ZHX3: variants seen among roughly 807,000 people sequenced by gnomAD.
ZHX3 encodes the protein zinc fingers and homeoboxes 3.
Under a neutral mutation model 64.5 loss-of-function variants are expected in ZHX3, and 20 were observed. The ratio of observed to expected loss-of-function variants is 0.31; its 90% CI spans 0.22 to 0.45. The LOEUF (loss-of-function observed/expected upper bound fraction) is 0.45. Ranked by LOEUF, ZHX3 falls within the 20% of genes least tolerant of loss-of-function variation. The probability of loss-of-function intolerance (pLI) is 1.00; values close to 1 mark genes in which losing one functional copy is unlikely to be tolerated. For synonymous variants in ZHX3, 423 were observed against 461.6 expected, an observed-to-expected ratio of 0.92 and a Z score of 1.07; for missense variants, 1,041 against 1,195.8, an observed-to-expected ratio of 0.87 and a Z score of 1.91.
At chr20:41,205,125 G>T in intron 2 of ZHX3, 59 bp from the exon 3 acceptor site, 2 of 805,690 alleles carry the variant, frequency 2.5e-6, no homozygotes, top group Non-Finnish European at 3.4e-6. Flanking sequence ...TATATTTCTC[G>T]GATACCCAGA....
chr20:41,274,989 T>A (rs1325504439), intron 1 of ZHX3, among the ~76,000 whole-genome samples: 3 of 152,090 alleles, frequency 2.0e-5, no homozygotes, highest in Admixed American at 2.0e-4. Context: ...AAACCCTGTC[T>A]CTACTAAAAA....
chr20:41,240,183 G>A (rs1050470830), intron 2 of ZHX3, among the ~76,000 whole-genome samples: 1 of 152,108 alleles, frequency 6.6e-6, no homozygotes, highest in Admixed American at 6.6e-5. Context: ...TTTTTTAGTA[G>A]AGATGGGGGG....
chr20:41,254,712 A>G (rs2042148975), intron 2 of ZHX3: 1 of 152,210 alleles, frequency 6.6e-6, no homozygotes, highest in Non-Finnish European at 1.5e-5. Flanking sequence ...TTATTTTGCT[A>G]TATATGCATA....
At chr20:41,311,023 T>C (rs147860750) in intron 1 of ZHX3, among the ~76,000 whole-genome samples, 2,837 of 152,214 alleles carry the variant, frequency 0.019, 28 homozygotes, top group Middle Eastern at 0.031. Flanking sequence ...TTGGCCAGGA[T>C]GGTCTTTATT....
Position 41,260,180 on chromosome 20 carries a change from G to GAA in ZHX3, c.-151+8808_-151+8809dup, listed in dbSNP as rs1555853862. 5.2e-3 allele frequency among the ~76,000 whole-genome samples: 534 copies of GAA among 103,370 alleles called. 6 individuals are homozygous for GAA. The highest frequency in any genetic ancestry group is 0.016 in the African/African-American group (494 of 31,668). The allele number at this position is 103,370 out of a possible 152,430, so 67.8% of individuals were successfully genotyped here. A position where few individuals can be genotyped will look rare whatever the true frequency, so the allele number is the denominator to read the frequency against. On this transcript the variant is annotated intron_variant, in intron 2 of 3. Coordinates refer to ENST00000683867, the MANE Select transcript of ZHX3 (RefSeq NM_001384317.1). Reference sequence around the variant, plus strand: ...TAAAACATCTCTCTAAGCCAAATGTGAAAAAAAAAAAAGGCAATAAAAGAC... The same window carrying GAA: ...TAAAACATCTCTCTAAGCCAAATGTGAAAAAAAAAAAAAAGGCAATAAAAGAC...
At chr20:41,234,948 A>G (rs1402444175) in intron 2 of ZHX3, among the ~76,000 whole-genome samples, 3 of 152,250 alleles carry the variant, frequency 2.0e-5, no homozygotes, top group African/African-American at 7.2e-5. Context: ...AGATAGTTCA[A>G]GGTTGTCCTT....
Position 41,212,370 on chromosome 20 carries a change from C to T in ZHX3, c.-150-7304G>A, listed in dbSNP as rs991973634. Among the ~76,000 whole-genome samples the T allele has an allele frequency of 2.6e-5, 4 of 152,112 alleles. No individual in the cohort carries two copies. In the East Asian group the frequency reaches 7.7e-4, roughly 29 times the overall value. ...CCCACCAAGATGGCTGTAATTACAG[C>T]GACAGATAACAAGTATAGATGAGGA... On this transcript the variant is annotated intron_variant, in intron 2 of 3. Transcript: ENST00000683867. The surrounding 1 kb of genome is among the most constrained non-coding windows in gnomAD (Gnocchi z 4.3).
At position 41,224,107 on chromosome 20, in the gene ZHX3, G is replaced by A. The variant is rs113454971; in HGVS notation, c.-150-19041C>T. ...CAAAACAAAAAAAATACCCAAAATG[G>A]AGGAGTGGGACAATATATGCAGTCC... is the stretch of plus-strand genomic sequence containing the variant. On this transcript the variant is annotated intron_variant, in intron 2 of 3. Coordinates refer to ENST00000683867, the MANE Select transcript of ZHX3 (RefSeq NM_001384317.1). The surrounding 1 kb of genome is among the most constrained non-coding windows in gnomAD (Gnocchi z 5.2). Among the ~76,000 whole-genome samples, 2 of 152,182 alleles carry A rather than the reference G, an allele frequency of 1.3e-5. No homozygotes were observed. The highest frequency in any genetic ancestry group is 1.9e-4 in the East Asian group (1 of 5,188).
At chr20:41,220,070 A>T (rs1186266609) in intron 2 of ZHX3, among the ~76,000 whole-genome samples, 1 of 152,254 alleles carries the variant, frequency 6.6e-6, no homozygotes, top group Non-Finnish European at 1.5e-5. Context: ...AAACAAAATC[A>T]TCAGCAAAAT....
In ZHX3 at chr20:41,195,006, T is replaced by C. The variant is rs778837100; in HGVS notation, c.2860+7051A>G. Reference sequence around the variant, plus strand: ...TTTCAAGAACCAACTTTTGGTTTCATTGATTCTCTATATCTGCTCTAACCT... The same window carrying C: ...TTTCAAGAACCAACTTTTGGTTTCACTGATTCTCTATATCTGCTCTAACCT... On this transcript the variant is annotated intron_variant, in intron 3 of 3. Transcript: ENST00000683867. This position sits in a 1 kb window ranked among gnomAD's most constrained non-coding sequence, Gnocchi z 4.2. 9.8e-5 allele frequency among the ~76,000 whole-genome samples: 15 copies of C among 152,348 alleles called. No individual in the cohort carries two copies. The highest frequency in any genetic ancestry group is 1.8e-4 in the Non-Finnish European group (12 of 68,042).
chr20:41,313,894 C>G (rs1261183415), intron 1 of ZHX3, among the ~76,000 whole-genome samples: 2 of 152,172 alleles, frequency 1.3e-5, no homozygotes, highest in Non-Finnish European at 2.9e-5. Context: ...CCACGCCCAG[C>G]CTCCTTTTAG....
At chr20:41,217,644 A>G (rs1004343855) in intron 2 of ZHX3, among the ~76,000 whole-genome samples, 2 of 152,210 alleles carry the variant, frequency 1.3e-5, no homozygotes, top group Admixed American at 6.5e-5. Context: ...ACCGAAAAGA[A>G]AACAGAATTC....
At position 41,202,489 on chromosome 20, in the gene ZHX3, G is replaced by A. The variant is rs762029925; in HGVS notation, c.2428C>T (p.Arg810Cys). Residue 810 changes from arginine to cysteine, a missense_variant, in exon 3 of 4, where the codon CGC becomes TGC. Physicochemically the swap from Arg to Cys is radical, Grantham distance 180. Around this residue, in one of 4 missense-constraint regions of ZHX3, gnomAD observed 649 missense variants for 739.8 expected, o/e 0.88. Coordinates refer to ENST00000683867, the MANE Select transcript of ZHX3 (RefSeq NM_001384317.1). This position sits in a 1 kb window ranked among gnomAD's most constrained non-coding sequence, Gnocchi z 7.0. ...QTGLPRPEVV[R>C]WFGDSRYALK... ...GCGTACCTGCTATCTCCAAACCAGC[G>A]CACCACCTCTGGCCGTGGCAGACCC... 6.8e-6 allele frequency: 11 copies of A among 1,614,166 alleles called. 1 individual carries two copies. The highest frequency in any genetic ancestry group is 6.6e-5 in the South Asian group (6 of 91,078).
chr20:41,290,753 C>T (rs1426119004), intron 1 of ZHX3, among the ~76,000 whole-genome samples: 1 of 152,178 alleles, frequency 6.6e-6, no homozygotes, highest in Non-Finnish European at 1.5e-5. Flanking sequence ...AACCATTTGG[C>T]TACGATGGCA....
chr20:41,250,885 G>A lies in ZHX3; in HGVS notation c.-151+18105C>T, dbSNP rs190076182. Among the ~76,000 whole-genome samples the A allele has an allele frequency of 5.1e-4, 78 of 152,278 alleles. 1 individual carries two copies. Among genetic ancestry groups the A allele is most frequent in the East Asian group, 4.8e-3 (25 of 5,188 alleles). ...GGCCTGGCCGGGCACACTGGCTCAC[G>A]CCTGTAATCCTATGACTTTGGGAGG... On this transcript the variant is annotated intron_variant, in intron 2 of 3. Transcript: ENST00000683867.
At chr20:41,278,198 C>T (rs1470619584) in intron 1 of ZHX3, among the ~76,000 whole-genome samples, 1 of 137,864 alleles carries the variant, frequency 7.3e-6, no homozygotes, top group African/African-American at 2.7e-5. Flanking sequence ...CAAAAATTAG[C>T]TGGGTGTTGG....
intron 1 of ZHX3, among the ~76,000 whole-genome samples, chr20:41,295,311 A>G (rs758614243): frequency 6.6e-6 from 1 of 152,340 alleles, no homozygotes; most frequent in Non-Finnish European, 1.5e-5. Flanking sequence ...AATTAAAAAT[A>G]TATAATAAGA....
At chr20:41,231,342 C>G (rs1568862756) in intron 2 of ZHX3, among the ~76,000 whole-genome samples, 1 of 152,190 alleles carries the variant, frequency 6.6e-6, no homozygotes, top group African/African-American at 2.4e-5. Flanking sequence ...TCCAGTCACT[C>G]AAGTCCAAGC....
At position 41,219,529 on chromosome 20, in the gene ZHX3, C is replaced by T. The variant is rs2039794642; in HGVS notation, c.-150-14463G>A. ...CACTAGAAAGATGTTTGAAATGGTT[C>T]CTTGTAGTAAGCACCAAAAACAACA... On this transcript the variant is annotated intron_variant, in intron 2 of 3. Transcript: ENST00000683867. The surrounding 1 kb of genome is among the most constrained non-coding windows in gnomAD (Gnocchi z 5.0). Among the ~76,000 whole-genome samples the T allele has an allele frequency of 6.6e-6, 1 of 152,198 alleles. No homozygotes were observed. The highest frequency in any genetic ancestry group is 1.9e-4 in the East Asian group (1 of 5,192).
Sources: allele counts gnomAD v4.1 joint callset (sites outside exome capture counted in the v4.1 genomes callset), GRCh38; gene constraint gnomAD v4.1.1; regional missense constraint gnomAD v4.1.1; non-coding constraint Gnocchi (gnomAD v3.1); transcripts MANE v1.5; gene names NCBI Gene and HGNC (gene_info 2026-07-23, HGNC 2026-07-21).